THOC1: variants seen among roughly 807,000 people sequenced by gnomAD.
The protein encoded by THOC1 is THO complex subunit 1.
A neutral mutation model predicts 97.3 loss-of-function variants in THOC1; 29 were observed. The ratio of observed to expected loss-of-function variants is 0.30; its 90% CI spans 0.22 to 0.41. The LOEUF is 0.41. THOC1 is among the 10% of genes least tolerant of loss of function. The probability of loss-of-function intolerance (pLI) is 1.00; values close to 1 mark genes in which losing one functional copy is unlikely to be tolerated. For synonymous variants in THOC1, 255 were observed against 257.0 expected (o/e 0.99, Z 0.07); for missense variants, 529 against 761.9 (o/e 0.69, Z 3.60).
Position 267,946 on chromosome 18 carries a change from C to A in THOC1, c.54+20G>T, listed in dbSNP as rs548783657. 3.2e-4 allele frequency: 517 copies of A among 1,608,858 alleles called. 13 individuals are homozygous for A. The South Asian group carries it at 5.3e-3, about 17-fold the overall frequency. On this transcript the variant is annotated intron_variant, in intron 1 of 20. Coordinates refer to ENST00000261600, the MANE Select transcript of THOC1 (RefSeq NM_005131.3). ...AGCATAGCGCCGGGTCAGGCCTGCA[C>A]CCTCCCCTCTACAGCTCACCGTAAA... is the stretch of plus-strand genomic sequence containing the variant.
intron 11 of THOC1, among the ~76,000 whole-genome samples, chr18:235,146 T>C (rs548616660): frequency 7.2e-5 from 11 of 151,948 alleles, no homozygotes; most frequent in African/African-American, 2.7e-4. Context: ...ATTCCCATTT[T>C]ATTAGGCTTC....
At chr18:237,376 CA>C (rs1674199728) in intron 11 of THOC1, among the ~76,000 whole-genome samples, 1 of 151,994 alleles carries the variant, frequency 6.6e-6, no homozygotes, top group African/African-American at 2.4e-5. Context: ...AGGCTGATCT[CA>C]AACTCCTGGC....
intron 17 of THOC1, among the ~76,000 whole-genome samples, chr18:219,172 C>CA (rs879217568): frequency 5.8e-5 from 1 of 17,230 alleles, no homozygotes; most frequent in South Asian, 7.0e-3. Context: ...CTGAGCGGTA[C>CA]AAAATAACCA....
chr18:225,442 C>T lies in THOC1; in HGVS notation c.1020-39G>A, dbSNP rs371767828. The T allele has an allele frequency of 7.1e-6, 11 of 1,552,204 alleles. No individual in the cohort carries two copies. The African/African-American group carries it at 1.5e-4, about 21-fold the overall frequency. ...CAATGAAAGCATGCTTGAGTTACAGCAATGCATATGCAACTTTAAGGTTTA... is the reference window on the plus strand; with the variant it reads ...CAATGAAAGCATGCTTGAGTTACAGTAATGCATATGCAACTTTAAGGTTTA... On this transcript the variant is annotated intron_variant, in intron 12 of 20. Transcript: ENST00000261600.
At chr18:260,108 T>TA (rs11309829) in intron 5 of THOC1, 78 bp downstream of exon 5, 1,213 of 865,602 alleles carry the variant, frequency 1.4e-3, no homozygotes, top group Middle Eastern at 7.4e-3. Flanking sequence ...CAAATAAATT[T>TA]AAAAAAAAAA....
At chr18:227,355 C>A (rs1598291671) in intron 11 of THOC1, among the ~76,000 whole-genome samples, 1 of 152,012 alleles carries the variant, frequency 6.6e-6, no homozygotes, top group East Asian at 1.9e-4. Context: ...GAGGCTACTA[C>A]TTTCTCACAT....
In THOC1 at chr18:260,213, C is replaced by A; in HGVS notation, c.348G>T (p.Val116=). 1 of 1,567,824 alleles carries A rather than the reference C, an allele frequency of 6.4e-7. No homozygotes were observed. The stretch of plus-strand genomic sequence containing the variant: ...ATTTCCAAGTAGCAACATTTTTTTC[C>A]ACAAAAGTGAATATTGTGTCACACT... ...LDQCDTIFTF[V]EKNVATWKSN... The change falls in exon 5 of 21, where the codon GTG becomes GTT. Residue 116 remains valine, a synonymous_variant. Coordinates refer to ENST00000261600, the MANE Select transcript of THOC1 (RefSeq NM_005131.3).
chr18:221,754 G>A (rs757111367), intron 17 of THOC1, among the ~76,000 whole-genome samples: 20 of 151,974 alleles, frequency 1.3e-4, no homozygotes, highest in African/African-American at 4.1e-4. Flanking sequence ...GACTACAGGC[G>A]CCTGCCACCA....
chr18:236,499 G>GGCGCCCGCTACC (rs1911700252), intron 11 of THOC1, among the ~76,000 whole-genome samples: 1 of 150,340 alleles, frequency 6.7e-6, no homozygotes, highest in Non-Finnish European at 1.5e-5. Context: ...GGGAACTACA[G>GGCGCCCGCTACC]GCGCCCGCTA....
chr18:260,407 AC>A, intron 4 of THOC1, 103 bp from the exon 5 acceptor site: 1 of 762,856 alleles, frequency 1.3e-6, no homozygotes, highest in Non-Finnish European at 1.9e-6. Context: ...ACACTTTGTT[AC>A]TCATAACAAG....
rs373347415 is a variant in THOC1 at position 245,078 on chromosome 18, T to G, written c.918+1246A>C. On this transcript the variant is annotated intron_variant, in intron 11 of 20. Transcript: ENST00000261600. Reference sequence around the variant, plus strand: ...CTTTTGTTTCATGATTTCTTGTTCCTTTTCAATGGATGTTATCTCATCGAT... The same window carrying G: ...CTTTTGTTTCATGATTTCTTGTTCCGTTTCAATGGATGTTATCTCATCGAT... The G allele has an allele frequency of 3.9e-5, 6 of 152,330 alleles. No homozygotes were observed. The South Asian group carries it at 8.3e-4, about 21-fold the overall frequency. 9.4% of individuals were successfully genotyped at this position (152,330 alleles called of 1,614,324 possible). A position where few individuals can be genotyped will look rare whatever the true frequency, so the allele number is the denominator to read the frequency against.
intron 1 of THOC1, among the ~76,000 whole-genome samples, chr18:267,517 G>C (rs909831881): frequency 1.3e-5 from 2 of 152,310 alleles, no homozygotes; most frequent in Middle Eastern, 6.8e-3. Flanking sequence ...GGTGGGTTAA[G>C]GGGTGGTGAA....
intron 11 of THOC1, among the ~76,000 whole-genome samples, chr18:237,925 G>A (rs937405025): frequency 4.6e-5 from 7 of 151,866 alleles, no homozygotes; most frequent in African/African-American, 1.5e-4. Context: ...AGAGTGCAGC[G>A]GTGCAATCTT....
At chr18:265,228 G>T in intron 3 of THOC1, 75 bp downstream of exon 3, 2 of 1,290,540 alleles carry the variant, frequency 1.5e-6, no homozygotes, top group South Asian at 1.4e-5. Context: ...TCCATTCTAA[G>T]AAAAAAAGCA....
intron 4 of THOC1, among the ~76,000 whole-genome samples, chr18:262,931 A>G (rs1481268130): frequency 6.6e-6 from 1 of 152,210 alleles, no homozygotes; most frequent in African/African-American, 2.4e-5. Flanking sequence ...CTTTCTGCAT[A>G]TATTTAACGA....
Position 254,165 on chromosome 18 carries a change from G to C in THOC1, c.603+108C>G, listed in dbSNP as rs1290663604. 2 of 763,338 alleles carry C rather than the reference G, an allele frequency of 2.6e-6. No individual in the cohort carries two copies. Among genetic ancestry groups the C allele is most frequent in the Non-Finnish European group, 4.5e-6 (2 of 447,896 alleles). 47.3% of individuals were successfully genotyped at this position (763,338 alleles called of 1,614,324 possible). A position where few individuals can be genotyped will look rare whatever the true frequency, so the allele number is the denominator to read the frequency against. ...AGGCTCAAGCGATCTGCCCACCTCAGCCTCCCAAAGTGCTAGGATTACAAG... is the reference window on the plus strand; with the variant it reads ...AGGCTCAAGCGATCTGCCCACCTCACCCTCCCAAAGTGCTAGGATTACAAG... On this transcript the variant is annotated intron_variant, in intron 8 of 20. Transcript: ENST00000261600. The surrounding 1 kb of genome is among the most constrained non-coding windows in gnomAD (Gnocchi z 4.1).
chr18:221,562 A>G (rs1281157693), intron 17 of THOC1, among the ~76,000 whole-genome samples: 1 of 147,308 alleles, frequency 6.8e-6, no homozygotes, highest in Non-Finnish European at 1.5e-5. Flanking sequence ...ACCTTTCCAT[A>G]TCTTTATTTT....
At chr18:238,062 A>T (rs1295079428) in intron 11 of THOC1, among the ~76,000 whole-genome samples, 1 of 151,988 alleles carries the variant, frequency 6.6e-6, no homozygotes, top group Non-Finnish European at 1.5e-5. Flanking sequence ...ATGGGGTTTC[A>T]CCATGTTGGC....
Position 242,801 on chromosome 18 carries a change from C to A in THOC1, c.918+3523G>T, listed in dbSNP as rs1220944902. Among the ~76,000 whole-genome samples the A allele has an allele frequency of 1.3e-5, 2 of 152,130 alleles. No homozygotes were observed. Among genetic ancestry groups the A allele is most frequent in the African/African-American group, 4.8e-5 (2 of 41,426 alleles). On this transcript the variant is annotated intron_variant, in intron 11 of 20. Coordinates refer to ENST00000261600, the MANE Select transcript of THOC1 (RefSeq NM_005131.3). This position sits in a 1 kb window ranked among gnomAD's most constrained non-coding sequence, Gnocchi z 4.5. ...ATCAAAAGTTGAAAGTAACATCAGGCCCAAAACTGGCATATATTTAGGTGT... is the reference window on the plus strand; with the variant it reads ...ATCAAAAGTTGAAAGTAACATCAGGACCAAAACTGGCATATATTTAGGTGT...
Sources: allele counts gnomAD v4.1 joint callset (sites outside exome capture counted in the v4.1 genomes callset), GRCh38; gene constraint gnomAD v4.1.1; non-coding constraint Gnocchi (gnomAD v3.1); transcripts MANE v1.5; gene names NCBI Gene and HGNC (gene_info 2026-07-23, HGNC 2026-07-21).